The following HECW2 variants were observed in gnomAD, a reference collection of about 807,000 sequenced individuals.
HECW2 encodes E3 ubiquitin-protein ligase HECW2.
Under a neutral mutation model 175.2 loss-of-function variants are expected in HECW2, and 61 were observed. The ratio of observed to expected loss-of-function variants is 0.35; its 90% CI spans 0.28 to 0.43. The LOEUF (loss-of-function observed/expected upper bound fraction) is 0.43. Ranked by LOEUF, HECW2 falls within the 20% of genes least tolerant of loss-of-function variation. The pLI is 1.00. For synonymous variants in HECW2, 671 were observed against 731.0 expected, an observed-to-expected ratio of 0.92 and a Z score of 1.32; for missense variants, 1,524 against 2,000.5, an observed-to-expected ratio of 0.76 and a Z score of 4.54.
At chr2:196,510,135 C>T (rs1459530943) in intron 1 of HECW2, among the ~76,000 whole-genome samples, 1 of 152,164 alleles carries the variant, frequency 6.6e-6, no homozygotes, top group Non-Finnish European at 1.5e-5. Flanking sequence ...CCCATCCACT[C>T]CCATTCAGAT....
Position 196,318,568 on chromosome 2 carries a change from C to A in HECW2, c.2322G>T (p.Glu774Asp), listed in dbSNP as rs1691790497. Residue 774 changes from glutamate (E) to aspartate (D), a missense_variant, in exon 9 of 29, where the codon GAG becomes GAT. By Grantham distance (45) the Glu-to-Asp change is conservative. Around this residue, in one of 11 missense-constraint regions of HECW2, gnomAD observed 604 missense variants for 588.3 expected, o/e 1.03. Transcript: ENST00000644978. ...ATATCCTACCTCCAGTAGCGCCCTC[C>A]TCCTGGGCAGTTGCCCCTTCACAGG... ...QGTCEGATAQEEGATGGSQAN... is the reference protein window; with the variant it reads ...QGTCEGATAQDEGATGGSQAN... 1 of 1,524,718 alleles carries A rather than the reference C, an allele frequency of 6.6e-7. No individual in the cohort carries two copies. The highest frequency in any genetic ancestry group is 8.8e-7 in the Non-Finnish European group (1 of 1,136,322). The allele number at this position is 1,524,718 out of a possible 1,614,324, so 94.4% of individuals were successfully genotyped here. A position where few individuals can be genotyped will look rare whatever the true frequency, so the allele number is the denominator to read the frequency against.
At chr2:196,572,963 C>A (rs564822483) in intron 1 of HECW2, among the ~76,000 whole-genome samples, 1 of 152,276 alleles carries the variant, frequency 6.6e-6, no homozygotes, top group East Asian at 1.9e-4. Context: ...TCAGAGCTGA[C>A]TAAGACGTGT....
intron 1 of HECW2, among the ~76,000 whole-genome samples, chr2:196,583,816 T>TA (rs970628248): frequency 5.3e-5 from 8 of 152,348 alleles, no homozygotes; most frequent in African/African-American, 1.7e-4. Flanking sequence ...TACTGGGCAT[T>TA]ACACAGGGGC....
chr2:196,381,969 C>G (rs997301091), intron 2 of HECW2, among the ~76,000 whole-genome samples: 1 of 152,056 alleles, frequency 6.6e-6, no homozygotes, highest in Non-Finnish European at 1.5e-5. Context: ...CACTACTTAA[C>G]CCATCAAATA....
At chr2:196,222,077 G>T in intron 24 of HECW2, 134 bp downstream of exon 24, 2 of 677,504 alleles carry the variant, frequency 3.0e-6, no homozygotes, top group Non-Finnish European at 4.8e-6. Flanking sequence ...TTATAACTGT[G>T]TGTGATCCTG....
At chr2:196,339,617 G>A (rs1692674042) in intron 3 of HECW2, among the ~76,000 whole-genome samples, 1 of 152,206 alleles carries the variant, frequency 6.6e-6, no homozygotes. Context: ...CAGATGGATG[G>A]AAGGAGGGAA....
chr2:196,450,673 G>A (rs550027133), intron 1 of HECW2, among the ~76,000 whole-genome samples: 2 of 151,958 alleles, frequency 1.3e-5, no homozygotes, highest in South Asian at 2.1e-4. Context: ...TAGAGACAGG[G>A]TTTCACCATG....
chr2:196,550,474 GA>G (rs2125482814), intron 1 of HECW2, among the ~76,000 whole-genome samples: 1 of 151,656 alleles, frequency 6.6e-6, no homozygotes, highest in African/African-American at 2.4e-5. Flanking sequence ...AATTCTTTAA[GA>G]AAATAGCTTT....
Position 196,319,082 on chromosome 2 carries a change from T to G in HECW2, c.1808A>C (p.Gln603Pro). 1 of 1,606,160 alleles carries G rather than the reference T, an allele frequency of 6.2e-7. No homozygotes were observed. Among genetic ancestry groups the G allele is most frequent in the Non-Finnish European group, 8.5e-7 (1 of 1,176,344 alleles). Residue 603 changes from glutamine (Q) to proline (P), a missense_variant, in exon 9 of 29, where the codon CAG (glutamine) becomes CCG (proline). Around this residue, in one of 11 missense-constraint regions of HECW2, gnomAD observed 604 missense variants for 588.3 expected, o/e 1.03. Transcript: ENST00000644978. ...RAVSETESLD[Q>P]GSEPSQVSSE... ...GGACACCTGGGAAGGCTCAGAGCCC[T>G]GATCGAGAGACTCGGTCTCACTGAC...
intron 3 of HECW2, among the ~76,000 whole-genome samples, chr2:196,341,805 G>A (rs995242955): frequency 5.3e-5 from 8 of 152,322 alleles, no homozygotes; most frequent in African/African-American, 1.9e-4. Context: ...GTTCTAGAGT[G>A]CTGATTTACT....
chr2:196,318,978 G>C lies in HECW2; in HGVS notation c.1912C>G (p.Leu638Val). The C allele has an allele frequency of 5.6e-6, 9 of 1,613,506 alleles. No homozygotes were observed. Among genetic ancestry groups the C allele is most frequent in the Non-Finnish European group, 7.6e-6 (9 of 1,179,720 alleles). ...TTGCAGGAGCTGTCAGCGCATTCCAGGTCACTCTCTCCCTCAGGCCTGGTG... is the reference window on the plus strand; with the variant it reads ...TTGCAGGAGCTGTCAGCGCATTCCACGTCACTCTCTCCCTCAGGCCTGGTG... ...ASTRPEGESD[L>V]ECADSSCNES... The change falls in exon 9 of 29, where the codon CTG becomes GTG. Residue 638 changes from leucine (L) to valine (V), a missense_variant. By Grantham distance (32) the Leu-to-Val change is conservative. Transcript: ENST00000644978.
At chr2:196,363,601 T>C (rs1018452363) in intron 2 of HECW2, among the ~76,000 whole-genome samples, 2 of 152,018 alleles carry the variant, frequency 1.3e-5, no homozygotes, top group Non-Finnish European at 2.9e-5. Flanking sequence ...GAGGCCAAAG[T>C]AGGAGGGTCG....
chr2:196,204,208 T>C (rs999536081), intron 28 of HECW2, among the ~76,000 whole-genome samples: 4 of 152,294 alleles, frequency 2.6e-5, no homozygotes, highest in East Asian at 1.9e-4. Context: ...TTCAATTTTT[T>C]GGGGGATATA....
intron 17 of HECW2, chr2:196,260,022 A>G (rs1248163466): frequency 6.6e-6 from 1 of 152,196 alleles, no homozygotes; most frequent in African/African-American, 2.4e-5. Context: ...CTGGAGCTAC[A>G]CAGAAGGAGT....
intron 2 of HECW2, among the ~76,000 whole-genome samples, chr2:196,422,092 A>G (rs1336765276): frequency 5.9e-5 from 9 of 152,142 alleles, no homozygotes; most frequent in Non-Finnish European, 1.5e-5. Flanking sequence ...TGCCCTGGGT[A>G]TGCCTGCTCA....
intron 5 of HECW2, among the ~76,000 whole-genome samples, 159 bp from the exon 6 acceptor site, chr2:196,325,308 C>T (rs936339985): frequency 6.6e-6 from 1 of 152,174 alleles, no homozygotes; most frequent in African/African-American, 2.4e-5. Context: ...TAAATAAACA[C>T]ACAGGAGGCT....
intron 4 of HECW2, among the ~76,000 whole-genome samples, chr2:196,332,042 C>T (rs1692380878): frequency 6.6e-6 from 1 of 152,130 alleles, no homozygotes. Context: ...ACACATATCA[C>T]TGTGTATGCT....
At chr2:196,400,045 A>C (rs1206635001) in intron 2 of HECW2, among the ~76,000 whole-genome samples, 2 of 152,346 alleles carry the variant, frequency 1.3e-5, no homozygotes, top group Admixed American at 1.3e-4. Context: ...ATATGCTGGA[A>C]TCTGAAAGCA....
rs751777991 is a variant in HECW2 at position 196,278,701 on chromosome 2, CAT to C, written c.3001-41_3001-40del. On this transcript the variant is annotated intron_variant, in intron 14 of 28. Transcript: ENST00000644978. Reference sequence around the variant, plus strand: ...CACTGAGTCAAATACATGCCGCTCACATGTCTTAGCTGACTTATAACATCAGA... The same window carrying C: ...CACTGAGTCAAATACATGCCGCTCACGTCTTAGCTGACTTATAACATCAGA... The C allele has an allele frequency of 5.0e-6, 8 of 1,610,690 alleles. No homozygotes were observed. In the South Asian group the frequency reaches 7.7e-5, roughly 15 times the overall value.
Sources: gnomAD v4.1 joint callset for allele counts (sites outside exome capture counted in the v4.1 genomes callset) on GRCh38, gnomAD v4.1.1 for gene constraint, gnomAD v4.1.1 regional missense constraint, MANE v1.5 for transcripts, NCBI Gene and HGNC (gene_info 2026-07-23, HGNC 2026-07-21) for gene names.